Variants in NAV3 observed in about 807,000 individuals in gnomAD.
The protein encoded by NAV3 is neuron navigator 3.
In NAV3, 87 loss-of-function variants were observed where a neutral mutation model predicts 244.7. The observed-to-expected ratio is 0.36, with a 90% CI of 0.30 to 0.42. The LOEUF (loss-of-function observed/expected upper bound fraction) is 0.42, where lower values mean the gene tolerates loss of function less well. Ranked by LOEUF, NAV3 falls within the 20% of genes least tolerant of loss-of-function variation. The pLI is 1.00. For synonymous variants in NAV3, 1,126 were observed against 1,042.2 expected, an observed-to-expected ratio of 1.08 and a Z score of -1.55; for missense variants, 2,663 against 2,893.3, an observed-to-expected ratio of 0.92 and a Z score of 1.83.
At chr12:77,604,634 A>C (rs1464809239) in intron 2 of NAV3, among the ~76,000 whole-genome samples, 1 of 151,966 alleles carries the variant, frequency 6.6e-6, no homozygotes, top group Non-Finnish European at 1.5e-5. Context: ...CAAATTGGGC[A>C]CTGAACTGTA....
intron 11 of NAV3, among the ~76,000 whole-genome samples, chr12:78,053,003 G>A (rs1308813579): frequency 6.6e-6 from 1 of 151,972 alleles, no homozygotes; most frequent in Non-Finnish European, 1.5e-5. Context: ...TGGATCGCCT[G>A]AGGTCAGGAG....
intron 7 of NAV3, among the ~76,000 whole-genome samples, chr12:77,999,663 A>C (rs2136456992): frequency 6.6e-6 from 1 of 152,316 alleles, no homozygotes; most frequent in East Asian, 1.9e-4. Context: ...TGAAAAACAA[A>C]AGTGTATATT....
intron 2 of NAV3, among the ~76,000 whole-genome samples, chr12:77,614,380 C>T (rs1415159697): frequency 6.6e-6 from 1 of 152,022 alleles, no homozygotes; most frequent in Non-Finnish European, 1.5e-5. Context: ...AAAGTGTCAC[C>T]CTTTCAATGT....
intron 2 of NAV3, among the ~76,000 whole-genome samples, chr12:77,810,723 C>T (rs1284979086): frequency 6.6e-6 from 1 of 152,022 alleles, no homozygotes; most frequent in Non-Finnish European, 1.5e-5. Context: ...AAATGTATTC[C>T]TTATTAAGCC....
intron 39 of NAV3, among the ~76,000 whole-genome samples, chr12:78,209,042 G>T (rs913428919): frequency 6.6e-5 from 10 of 152,110 alleles, no homozygotes; most frequent in Non-Finnish European, 1.2e-4. Context: ...GGCTTACTGG[G>T]TTTAAAAAGT....
At chr12:78,108,488 C>A (rs1159853909) in intron 12 of NAV3, among the ~76,000 whole-genome samples, 1 of 152,100 alleles carries the variant, frequency 6.6e-6, no homozygotes, top group Non-Finnish European at 1.5e-5. Flanking sequence ...TTCCATCCAA[C>A]CACTGCAAAA....
intron 2 of NAV3, among the ~76,000 whole-genome samples, chr12:77,629,195 A>G (rs1871776342): frequency 6.6e-6 from 1 of 152,206 alleles, no homozygotes; most frequent in South Asian, 2.1e-4. Context: ...GCCCATAAAT[A>G]TTGTCTTTCT....
In NAV3 at chr12:78,177,770, T is replaced by C; in HGVS notation, c.5363+85T>C. On this transcript the variant is annotated intron_variant, in intron 28 of 39. Coordinates refer to ENST00000397909, the MANE Select transcript of NAV3 (RefSeq NM_001024383.2). ...TTGCTTTTGCTTTTTCTAAAATCAC[T>C]CACATGCATTTCAACAATAAATACC... The C allele has an allele frequency of 2.5e-6, 3 of 1,205,928 alleles. No homozygotes were observed. In the Admixed American group the frequency reaches 6.2e-5, roughly 25 times the overall value. 74.7% of individuals were successfully genotyped at this position (1,205,928 alleles called of 1,614,324 possible). A position where few individuals can be genotyped will look rare whatever the true frequency, so the allele number is the denominator to read the frequency against.
intron 12 of NAV3, among the ~76,000 whole-genome samples, chr12:78,060,792 C>G (rs1884216302): frequency 6.6e-6 from 1 of 152,094 alleles, no homozygotes; most frequent in Non-Finnish European, 1.5e-5. Flanking sequence ...CATTTTGAAA[C>G]TAATGACCTA....
At chr12:78,065,915 AG>A (rs1884963228) in intron 12 of NAV3, among the ~76,000 whole-genome samples, 1 of 152,174 alleles carries the variant, frequency 6.6e-6, no homozygotes, top group Non-Finnish European at 1.5e-5. Flanking sequence ...TAAGGAAGAT[AG>A]AAGAATCTGG....
chr12:77,682,582 G>A lies in NAV3; in HGVS notation c.72+110316G>A, dbSNP rs146978694. ...TAGTTTTTTGAGGAACCTATATACT[G>A]TTTCCATAGAGGCTGTACTAATGTA... On this transcript the variant is annotated intron_variant, in intron 2 of 8. Coordinates refer to the NAV3 transcript ENST00000550042. Among the ~76,000 whole-genome samples, 39 of 152,224 alleles carry A rather than the reference G, an allele frequency of 2.6e-4. No homozygotes were observed. The East Asian group carries it at 7.5e-3, about 29-fold the overall frequency.
intron 9 of NAV3, among the ~76,000 whole-genome samples, chr12:78,022,356 TG>T (rs1172242043): frequency 5.2e-4 from 79 of 152,110 alleles, no homozygotes; most frequent in Non-Finnish European, 4.6e-4. Context: ...GTTTTTGGTG[TG>T]TATCAAATGG....
At chr12:78,058,366 C>G (rs1402435177) in intron 11 of NAV3, among the ~76,000 whole-genome samples, 1 of 152,164 alleles carries the variant, frequency 6.6e-6, no homozygotes, top group Non-Finnish European at 1.5e-5. Context: ...ATTTATAAAA[C>G]CATCAGATCT....
Position 77,907,676 on chromosome 12 carries a change from T to C in NAV3, c.244-32643T>C, listed in dbSNP as rs1184946108. 5.9e-5 allele frequency among the ~76,000 whole-genome samples: 9 copies of C among 152,240 alleles called. No homozygotes were observed. The South Asian group carries it at 1.0e-3, about 18-fold the overall frequency. ...CAATATTGTATTTATCTGTTTTATA[T>C]GTAGGAGTCCTCATAACAACCCTAT... On this transcript the variant is annotated intron_variant, in intron 1 of 39. Coordinates refer to ENST00000397909, the MANE Select transcript of NAV3 (RefSeq NM_001024383.2).
At chr12:77,738,691 A>G (rs1228303803) in intron 2 of NAV3, among the ~76,000 whole-genome samples, 1 of 152,224 alleles carries the variant, frequency 6.6e-6, no homozygotes, top group Non-Finnish European at 1.5e-5. Flanking sequence ...AAATGTAATT[A>G]GAGGCAGAAT....
Position 77,831,169 on chromosome 12 carries a change from C to CAG in NAV3, c.-269_-268dup, listed in dbSNP as rs71088341. 0.019 allele frequency: 2,727 copies of CAG among 143,710 alleles called. 66 individuals are homozygous for CAG. Among genetic ancestry groups the CAG allele is most frequent in the African/African-American group, 0.083 (1,878 of 22,616 alleles). The allele number at this position is 143,710 out of a possible 1,614,324, so 8.9% of individuals were successfully genotyped here. On this transcript the variant is annotated 5_prime_UTR_variant, in exon 1 of 40. Transcript: ENST00000397909. ...CACTGAACAGAGAGAGAGAGAGAGA[C>CAG]AGAGAGAGAGAGAGAGAGAGAGAGA...
Position 77,966,509 on chromosome 12 carries a change from G to C in NAV3, c.487+208G>C, listed in dbSNP as rs189903849. Among the ~76,000 whole-genome samples, 355 of 152,076 alleles carry C rather than the reference G, an allele frequency of 2.3e-3. 2 individuals carry two copies. The highest frequency in any genetic ancestry group is 3.7e-3 in the Admixed American group (57 of 15,276). On this transcript the variant is annotated intron_variant, in intron 4 of 39. Coordinates refer to ENST00000397909, the MANE Select transcript of NAV3 (RefSeq NM_001024383.2). ...ATGTTTTCCATATTTTGCCAGAACT[G>C]TTCTTTTCTTAACCAACTATATGGG...
At chr12:77,806,596 G>A (rs899242198) in intron 2 of NAV3, among the ~76,000 whole-genome samples, 2 of 152,032 alleles carry the variant, frequency 1.3e-5, no homozygotes, top group Admixed American at 6.6e-5. Flanking sequence ...TTATGTGGTC[G>A]ATTTTAGAAT....
At chr12:77,714,305 A>G (rs1876258448) in intron 2 of NAV3, among the ~76,000 whole-genome samples, 1 of 152,146 alleles carries the variant, frequency 6.6e-6, no homozygotes, top group Non-Finnish European at 1.5e-5. Context: ...TCCTATACAA[A>G]AATTTACCCT....
Sources: allele counts gnomAD v4.1 joint callset (sites outside exome capture counted in the v4.1 genomes callset), GRCh38; gene constraint gnomAD v4.1.1; transcripts MANE v1.5; gene names NCBI Gene and HGNC (gene_info 2026-07-23, HGNC 2026-07-21).